The following KHDRBS2 variants were observed in gnomAD, a reference collection of about 807,000 sequenced individuals.
KHDRBS2 encodes the protein KH RNA binding domain containing, signal transduction associated 2.
A neutral mutation model predicts 44.3 loss-of-function variants in KHDRBS2; 26 were observed. The observed-to-expected ratio is 0.59, with a 90% CI of 0.43 to 0.81. The LOEUF (loss-of-function observed/expected upper bound fraction) is 0.81, where lower values mean the gene tolerates loss of function less well. KHDRBS2 is among the 40% of genes least tolerant of loss of function. The pLI is 0.00. For missense variants in KHDRBS2, 476 were observed against 433.1 expected, an observed-to-expected ratio of 1.10 and a Z score of -0.88; for synonymous variants, 194 against 151.1, an observed-to-expected ratio of 1.28 and a Z score of -2.08.
At chr6:62,246,102 T>TTTTATATATA (rs1434888553) in intron 1 of KHDRBS2, among the ~76,000 whole-genome samples, 117 of 124,314 alleles carry the variant, frequency 9.4e-4, no homozygotes, top group African/African-American at 3.3e-3. Context: ...TCAATCAATT[T>TTTTATATATA]TATATATATA....
At chr6:62,262,345 G>A (rs10484617) in intron 1 of KHDRBS2, among the ~76,000 whole-genome samples, 2 of 151,568 alleles carry the variant, frequency 1.3e-5, no homozygotes, top group South Asian at 2.1e-4. Flanking sequence ...TGACCTCACC[G>A]ATTGCTTTAT....
the KHDRBS2 span, among the ~76,000 whole-genome samples, chr6:61,650,255 C>A: frequency 6.6e-6 from 1 of 152,028 alleles, no homozygotes; most frequent in Non-Finnish European, 1.5e-5. Flanking sequence ...CCATTATTTT[C>A]TCTCCTGCTT....
intron 4 of KHDRBS2, among the ~76,000 whole-genome samples, chr6:61,945,146 T>TACACAC (rs1306387509): frequency 3.7e-5 from 3 of 80,574 alleles, no homozygotes; most frequent in African/African-American, 1.4e-4. Flanking sequence ...TATATATATA[T>TACACAC]ATATACACAC....
the KHDRBS2 span, among the ~76,000 whole-genome samples, chr6:61,670,720 TGC>T: frequency 0.19 from 29,498 of 151,502 alleles, 3,005 homozygotes; most frequent in African/African-American, 0.24. Flanking sequence ...CAGAGATGTT[TGC>T]TCATCTAGTT....
intron 6 of KHDRBS2, among the ~76,000 whole-genome samples, chr6:61,785,175 CAACA>C: frequency 1.3e-5 from 2 of 150,738 alleles, no homozygotes. Context: ...CAAACAACAA[CAACA>C]AAAAAAAACA....
chr6:61,998,315 T>C (rs1777596194), intron 3 of KHDRBS2, among the ~76,000 whole-genome samples: 1 of 152,148 alleles, frequency 6.6e-6, no homozygotes, highest in Non-Finnish European at 1.5e-5. Context: ...TCATACTTCA[T>C]TGACAACATT....
At chr6:61,954,294 T>A (rs1430402736) in intron 4 of KHDRBS2, among the ~76,000 whole-genome samples, 4 of 151,518 alleles carry the variant, frequency 2.6e-5, no homozygotes, top group African/African-American at 7.3e-5. Flanking sequence ...TGTCTACATA[T>A]ACACATATAT....
At chr6:61,735,815 G>A (rs1775237762) in intron 6 of KHDRBS2, among the ~76,000 whole-genome samples, 1 of 151,972 alleles carries the variant, frequency 6.6e-6, no homozygotes, top group Non-Finnish European at 1.5e-5. Flanking sequence ...GAAAAAAAAT[G>A]ACTTTTAATC....
intron 6 of KHDRBS2, chr6:61,813,856 A>G (rs1191866610): frequency 2.0e-5 from 9 of 450,598 alleles, no homozygotes; most frequent in South Asian, 7.8e-5. Context: ...CTTCCAGTGC[A>G]TAGAAGTAGT....
At chr6:62,227,025 G>C (rs562829613) in intron 1 of KHDRBS2, among the ~76,000 whole-genome samples, 5 of 152,040 alleles carry the variant, frequency 3.3e-5, no homozygotes, top group African/African-American at 1.2e-4. Flanking sequence ...GGTTTCCTTT[G>C]AAATTTAAAG....
chr6:61,875,625 A>G (rs1353266080), intron 6 of KHDRBS2, among the ~76,000 whole-genome samples: 2 of 152,262 alleles, frequency 1.3e-5, no homozygotes, highest in African/African-American at 4.8e-5. Flanking sequence ...ACTTTTCCAC[A>G]AAGTATTATA....
At chr6:61,881,941 T>C (rs1215672782) in intron 6 of KHDRBS2, among the ~76,000 whole-genome samples, 2 of 151,998 alleles carry the variant, frequency 1.3e-5, no homozygotes, top group African/African-American at 2.4e-5. Flanking sequence ...TCCAAAAATA[T>C]TGCAGTATAA....
rs79752165 is a variant in KHDRBS2 at position 62,084,249 on chromosome 6, T to A, written c.220-36255A>T. 7.6e-3 allele frequency among the ~76,000 whole-genome samples: 1,152 copies of A among 152,288 alleles called. 7 individuals are homozygous for A. The highest frequency in any genetic ancestry group is 0.02 in the Middle Eastern group (6 of 294). On this transcript the variant is annotated intron_variant, in intron 2 of 8. Coordinates refer to ENST00000281156, the MANE Select transcript of KHDRBS2 (RefSeq NM_152688.4). The stretch of plus-strand genomic sequence containing the variant: ...AAAATGAAGGAGATGGTTTAATGTC[T>A]TCCGTCTTCATCTTCATGGACAGGC...
chr6:61,825,302 G>T (rs1327297965), intron 6 of KHDRBS2, among the ~76,000 whole-genome samples: 3 of 152,122 alleles, frequency 2.0e-5, no homozygotes, highest in Non-Finnish European at 4.4e-5. Flanking sequence ...ATTTAAAATA[G>T]TGTTTCCATA....
chr6:61,791,760 G>C (rs985028716), intron 6 of KHDRBS2, among the ~76,000 whole-genome samples: 1 of 151,072 alleles, frequency 6.6e-6, no homozygotes, highest in South Asian at 2.1e-4. Context: ...GCTTTTTTTG[G>C]CCTTACTCTC....
At chr6:61,630,770 G>A in the KHDRBS2 span, among the ~76,000 whole-genome samples, 31 of 152,190 alleles carry the variant, frequency 2.0e-4, no homozygotes, top group Admixed American at 1.5e-3. Context: ...CAAGGGAGGG[G>A]AGCTTGGGCT....
At chr6:61,934,034 T>C (rs1350547647) in intron 4 of KHDRBS2, among the ~76,000 whole-genome samples, 2 of 152,174 alleles carry the variant, frequency 1.3e-5, no homozygotes, top group Admixed American at 1.3e-4. Context: ...GTGGTTTTGA[T>C]TTGCATTAGT....
At chr6:61,848,483 A>ATATATATGTATATATATATATATATATG (rs1794772877) in intron 6 of KHDRBS2, among the ~76,000 whole-genome samples, 4 of 49,602 alleles carry the variant, frequency 8.1e-5, no homozygotes, top group East Asian at 8.4e-4. Flanking sequence ...ATATATATAT[A>ATATATATGTATATATATATATATATATG]TATATATGTA....
chr6:61,815,530 T>C (rs1788779949), intron 6 of KHDRBS2, among the ~76,000 whole-genome samples: 1 of 152,180 alleles, frequency 6.6e-6, no homozygotes, highest in Admixed American at 6.6e-5. Flanking sequence ...ATATTTAAAA[T>C]GATCTGGTGA....
Sources: allele counts gnomAD v4.1 joint callset (sites outside exome capture counted in the v4.1 genomes callset), GRCh38; gene constraint gnomAD v4.1.1; transcripts MANE v1.5; gene names NCBI Gene and HGNC (gene_info 2026-07-23, HGNC 2026-07-21).